Variants in CEP126 observed in about 807,000 individuals in gnomAD.
CEP126 encodes the protein centrosomal protein 126.
Under a neutral mutation model 107.8 loss-of-function variants are expected in CEP126, and 74 were observed. That is an observed-to-expected ratio of 0.69 (90% CI 0.57 to 0.83). The LOEUF is 0.83. CEP126 is among the 40% of genes least tolerant of loss of function. The pLI is 0.00. For synonymous variants in CEP126, 449 were observed against 446.0 expected (o/e 1.01, Z -0.08); for missense variants, 1,237 against 1,281.9 (o/e 0.96, Z 0.53).
chr11:101,925,355 C>T (rs185400553), intron 2 of CEP126, among the ~76,000 whole-genome samples: 6 of 152,250 alleles, frequency 3.9e-5, no homozygotes, highest in South Asian at 2.1e-4. Flanking sequence ...TTGGTAAATA[C>T]GTGAATGGGC....
At chr11:101,946,809 C>A (rs922719196) in intron 3 of CEP126, among the ~76,000 whole-genome samples, 2 of 151,988 alleles carry the variant, frequency 1.3e-5, no homozygotes, top group African/African-American at 2.4e-5. Flanking sequence ...TCGTAGTAAG[C>A]AGAGGTCGCA....
intron 9 of CEP126, 77 bp from the exon 10 acceptor site, chr11:101,992,701 T>A: frequency 1.2e-6 from 1 of 829,846 alleles, no homozygotes; most frequent in East Asian, 3.2e-5. Context: ...CAGAATTTAA[T>A]ATTTGATTCT....
At chr11:101,917,029 TGTGTG>T (rs1292371916) in intron 1 of CEP126, among the ~76,000 whole-genome samples, 52 of 5,796 alleles carry the variant, frequency 9.0e-3, no homozygotes, top group African/African-American at 0.015. Flanking sequence ...AATCCAACAA[TGTGTG>T]TGTGTGTGTG....
chr11:101,978,170 C>T (rs765202956), intron 6 of CEP126, among the ~76,000 whole-genome samples, 177 bp from the exon 7 acceptor site: 6 of 152,166 alleles, frequency 3.9e-5, no homozygotes, highest in Non-Finnish European at 8.8e-5. Flanking sequence ...TTGAATTCAT[C>T]ATTTTAACTG....
chr11:101,949,875 G>C (rs1200492385), intron 4 of CEP126, among the ~76,000 whole-genome samples: 1 of 152,150 alleles, frequency 6.6e-6, no homozygotes, highest in Non-Finnish European at 1.5e-5. Context: ...GAAGGACGCT[G>C]GACAGGTCCT....
chr11:101,960,324 C>T (rs1434323884), intron 5 of CEP126, among the ~76,000 whole-genome samples: 3 of 152,118 alleles, frequency 2.0e-5, no homozygotes, highest in African/African-American at 7.2e-5. Context: ...CAATTACAGA[C>T]CTATGCAAAT....
At position 101,915,240 on chromosome 11, in the gene CEP126, A is replaced by AG. The variant is rs778562178; in HGVS notation, c.-42dup. 1.9e-6 allele frequency: 3 copies of AG among 1,609,260 alleles called. No individual in the cohort carries two copies. In the South Asian group the frequency reaches 3.3e-5, roughly 18 times the overall value. On this transcript the variant is annotated 5_prime_UTR_variant, in exon 1 of 11. An upstream open reading frame in the 5' UTR loses its in-frame stop. Coordinates refer to ENST00000263468, the MANE Select transcript of CEP126 (RefSeq NM_020802.4). Reference sequence around the variant, plus strand: ...GGAGGAGGAAGCCGGAGCTGCCATGAGGGAGGTTCTGGGGGCGAGCAGACA... The same window carrying AG: ...GGAGGAGGAAGCCGGAGCTGCCATGAGGGGAGGTTCTGGGGGCGAGCAGACA...
In CEP126 at chr11:101,917,028, ATGTGTGTGTGTG is replaced by A. The variant is rs57573389; in HGVS notation, c.128+1653_128+1664del. Among the ~76,000 whole-genome samples the A allele has an allele frequency of 8.5e-3, 1,163 of 136,036 alleles. 11 individuals are homozygous for A. The highest frequency in any genetic ancestry group is 0.026 in the African/African-American group (970 of 36,848). The allele number at this position is 136,036 out of a possible 152,430, so 89.2% of individuals were successfully genotyped here. Reference sequence around the variant, plus strand: ...CAATAGACTTTGATAAAATCCAACAATGTGTGTGTGTGTGTGTGTGTGTGTGTGTGTGTGTGT... The same window carrying A: ...CAATAGACTTTGATAAAATCCAACAATGTGTGTGTGTGTGTGTGTGTGTGT... On this transcript the variant is annotated intron_variant, in intron 1 of 10. Transcript: ENST00000263468.
intron 2 of CEP126, among the ~76,000 whole-genome samples, chr11:101,944,015 G>C (rs1202477434): frequency 6.6e-6 from 1 of 152,084 alleles, no homozygotes; most frequent in Non-Finnish European, 1.5e-5. Flanking sequence ...ATGCAAACCT[G>C]CCAGAAATTA....
At position 101,996,526 on chromosome 11, in the gene CEP126, T is replaced by C. The variant is rs114851923; in HGVS notation, c.3310-1073T>C. Among the ~76,000 whole-genome samples, 390 of 152,322 alleles carry C rather than the reference T, an allele frequency of 2.6e-3. 1 individual carries two copies. Among genetic ancestry groups the C allele is most frequent in the African/African-American group, 9.1e-3 (380 of 41,568 alleles). ...ATAAGTACCTTAGTCCCATAATTCT[T>C]ATAATGGCTTTGTTTTCCTGATGGA... is the stretch of plus-strand genomic sequence containing the variant. On this transcript the variant is annotated intron_variant, in intron 10 of 10. Coordinates refer to ENST00000263468, the MANE Select transcript of CEP126 (RefSeq NM_020802.4).
intron 5 of CEP126, among the ~76,000 whole-genome samples, 187 bp from the exon 6 acceptor site, chr11:101,961,554 G>A (rs555117026): frequency 1.3e-5 from 2 of 152,006 alleles, no homozygotes; most frequent in Non-Finnish European, 2.9e-5. Context: ...ATAAGTCTTT[G>A]TTACCTCCCA....
chr11:101,919,436 G>T (rs1418962619), intron 1 of CEP126, among the ~76,000 whole-genome samples: 3 of 151,802 alleles, frequency 2.0e-5, no homozygotes, highest in Non-Finnish European at 4.4e-5. Flanking sequence ...TATTATTCTT[G>T]GTTTTGTTTT....
Position 101,962,140 on chromosome 11 carries a change from C to T in CEP126, c.1105C>T (p.Pro369Ser), listed in dbSNP as rs1310521451. 2 of 1,612,618 alleles carry T rather than the reference C, an allele frequency of 1.2e-6. No homozygotes were observed. The highest frequency in any genetic ancestry group is 1.3e-5 in the African/African-American group (1 of 74,898). Reference sequence around the variant, plus strand: ...CACAAATACTGCTAATAATTCAGTACCCTTTGTATCTAGCCCACCCATGTT... The same window carrying T: ...CACAAATACTGCTAATAATTCAGTATCCTTTGTATCTAGCCCACCCATGTT... ...RATNTANNSVPFVSSPPMFVL... is the reference protein window; with the variant it reads ...RATNTANNSVSFVSSPPMFVL... The change falls in exon 6 of 11, where the codon CCC (proline) becomes TCC (serine). Residue 369 changes from proline to serine, a missense_variant. Around this residue, in one of 3 missense-constraint regions of CEP126, gnomAD observed 1,134 missense variants for 1,150.5 expected, o/e 0.99. Transcript: ENST00000263468.
Position 101,981,942 on chromosome 11 carries a change from G to A in CEP126, c.3012G>A (p.Arg1004=), listed in dbSNP as rs1941260251. 1.9e-6 allele frequency: 3 copies of A among 1,581,422 alleles called. No homozygotes were observed. Among genetic ancestry groups the A allele is most frequent in the Admixed American group, 1.8e-5 (1 of 55,312 alleles). ...CAAGTGAGCCAAAACAAACTACAAG[G>A]GGTACTTCTTATATTGAAGAAGGTA... ...LSSSEPKQTT[R]GTSYIEEVSD... The change falls in exon 8 of 11, where the codon AGG becomes AGA. Residue 1004 remains arginine, a synonymous_variant. Transcript: ENST00000263468.
chr11:101,962,843 A>G lies in CEP126; in HGVS notation c.1808A>G (p.Asn603Ser). 1.2e-6 allele frequency: 2 copies of G among 1,603,566 alleles called. No homozygotes were observed. Among genetic ancestry groups the G allele is most frequent in the Non-Finnish European group, 1.7e-6 (2 of 1,177,582 alleles). The change falls in exon 6 of 11, where the codon AAT becomes AGT. Residue 603 changes from asparagine (N) to serine (S), a missense_variant. Transcript: ENST00000263468. ...ATAAATCAGAGCTTTAAGTTTGGAA[A>G]TCAAAAAGCAGCAGCTATCAGAGAT... ...LIINQSFKFGNQKAAAIRDSI... is the reference protein window; with the variant it reads ...LIINQSFKFGSQKAAAIRDSI...
rs1941474527 is a variant in CEP126 at position 101,998,841 on chromosome 11, A to C, written c.*1198A>C. ...TATTTTTGTCTCCACTTTAGAGATG[A>C]GAAACTGAGCCAAGGCCACATAGCT... On this transcript the variant is annotated 3_prime_UTR_variant, in exon 11 of 11. Coordinates refer to ENST00000263468, the MANE Select transcript of CEP126 (RefSeq NM_020802.4). The C allele has an allele frequency of 6.6e-6, 1 of 152,130 alleles. No homozygotes were observed. Among genetic ancestry groups the C allele is most frequent in the Non-Finnish European group, 1.5e-5 (1 of 68,028 alleles). The allele number at this position is 152,130 out of a possible 1,614,324, so 9.4% of individuals were successfully genotyped here.
chr11:101,942,677 AG>A (rs1940682329), intron 2 of CEP126, among the ~76,000 whole-genome samples: 1 of 151,832 alleles, frequency 6.6e-6, no homozygotes, highest in South Asian at 2.1e-4. Context: ...TGGAATTTGA[AG>A]GGATTGAATA....
At chr11:101,940,813 AG>A (rs1442528870) in intron 2 of CEP126, among the ~76,000 whole-genome samples, 1 of 152,186 alleles carries the variant, frequency 6.6e-6, no homozygotes, top group Non-Finnish European at 1.5e-5. Context: ...CTTTTCCTGG[AG>A]TGAGCATTCC....
intron 8 of CEP126, among the ~76,000 whole-genome samples, chr11:101,984,985 C>T (rs745565569): frequency 5.3e-5 from 8 of 152,152 alleles, no homozygotes; most frequent in Non-Finnish European, 1.2e-4. Flanking sequence ...TGCTTAGTTG[C>T]CCTGAACACA....
Sources: allele counts gnomAD v4.1 joint callset (sites outside exome capture counted in the v4.1 genomes callset), GRCh38; gene constraint gnomAD v4.1.1; regional missense constraint gnomAD v4.1.1; transcripts MANE v1.5; gene names NCBI Gene and HGNC (gene_info 2026-07-23, HGNC 2026-07-21).